DAB1: variants seen among roughly 807,000 people sequenced by gnomAD.
DAB1 encodes disabled homolog 1.
A neutral mutation model predicts 64.6 loss-of-function variants in DAB1; 15 were observed. The observed-to-expected ratio is 0.23, with a 90% CI of 0.16 to 0.36. The LOEUF is 0.36. Ranked by LOEUF, DAB1 falls within the 10% of genes least tolerant of loss-of-function variation. The pLI, the probability that DAB1 is intolerant of heterozygous loss-of-function variation, is 1.00. For synonymous variants in DAB1, 235 were observed against 251.9 expected (o/e 0.93, Z 0.64); for missense variants, 596 against 706.7 (o/e 0.84, Z 1.78).
chr1:58,174,480 G>A (rs1656351896), intron 4 of DAB1, among the ~76,000 whole-genome samples: 1 of 152,172 alleles, frequency 6.6e-6, no homozygotes, highest in African/African-American at 2.4e-5. Flanking sequence ...GACCTAAAGA[G>A]TTCCCCTCTG....
chr1:57,777,598 A>G (rs556086237), intron 6 of DAB1, among the ~76,000 whole-genome samples: 5 of 152,048 alleles, frequency 3.3e-5, no homozygotes, highest in Admixed American at 1.3e-4. Context: ...CAGATATTAT[A>G]TATTTCAACT....
Position 58,155,693 on chromosome 1 carries a change from A to G in DAB1, n.310-5105T>C, listed in dbSNP as rs557302199. The stretch of plus-strand genomic sequence containing the variant: ...GCAGGTCCGGCTATCAGAGCAAGCA[A>G]TGACATGACCGTAGATACAGGAATG... On this transcript the variant is annotated intron_variant and non_coding_transcript_variant, in intron 4 of 20. Transcript: ENST00000485760. 3.9e-5 allele frequency among the ~76,000 whole-genome samples: 6 copies of G among 152,372 alleles called. No individual in the cohort carries two copies. The South Asian group carries it at 8.3e-4, about 21-fold the overall frequency.
At chr1:57,057,839 A>T (rs1039636576) in intron 9 of DAB1, among the ~76,000 whole-genome samples, 1 of 151,544 alleles carries the variant, frequency 6.6e-6, no homozygotes, top group Non-Finnish European at 1.5e-5. Flanking sequence ...CGATCTCCTG[A>T]CCTCCTGATC....
chr1:58,024,387 T>C (rs752926175), intron 5 of DAB1, among the ~76,000 whole-genome samples: 1 of 152,116 alleles, frequency 6.6e-6, no homozygotes, highest in Non-Finnish European at 1.5e-5. Context: ...ATCTCAAAAA[T>C]GAAAGATAAT....
At chr1:58,130,480 G>A (rs561146411) in intron 5 of DAB1, among the ~76,000 whole-genome samples, 14 of 152,178 alleles carry the variant, frequency 9.2e-5, no homozygotes, top group African/African-American at 3.4e-4. Flanking sequence ...ATTGTTATAT[G>A]TGAATTTGAT....
At position 57,360,184 on chromosome 1, in the gene DAB1, C is replaced by T. The variant is rs556307929; in HGVS notation, c.-137+63746G>A. 4.7e-4 allele frequency among the ~76,000 whole-genome samples: 72 copies of T among 151,700 alleles called. 2 individuals carry two copies. Among genetic ancestry groups the T allele is most frequent in the Admixed American group, 4.5e-3 (68 of 15,216 alleles). ...ATACACTTCATAACAACATGCAGTA[C>T]GTGATTAAAATACGCAATGTTAGCT... On this transcript the variant is annotated intron_variant, in intron 1 of 14. Coordinates refer to ENST00000371236, the MANE Select transcript of DAB1 (RefSeq NM_001365792.1).
intron 7 of DAB1, among the ~76,000 whole-genome samples, chr1:57,638,201 T>C (rs1480166973): frequency 6.6e-6 from 1 of 152,194 alleles, no homozygotes; most frequent in East Asian, 1.9e-4. Flanking sequence ...AGTTTTAACA[T>C]TAAAATTCAT....
intron 9 of DAB1, among the ~76,000 whole-genome samples, chr1:57,051,831 G>T (rs1446610940): frequency 6.6e-6 from 1 of 152,100 alleles, no homozygotes; most frequent in Non-Finnish European, 1.5e-5. Flanking sequence ...GGAGTGCTGG[G>T]CCTCATAAGG....
At chr1:58,127,651 C>G (rs949186365) in intron 5 of DAB1, among the ~76,000 whole-genome samples, 83 of 152,260 alleles carry the variant, frequency 5.5e-4, no homozygotes, top group African/African-American at 1.3e-3. Flanking sequence ...GTGTAAGGAA[C>G]GGATCCAGTT....
chr1:58,215,252 T>C (rs1462541377), intron 4 of DAB1, among the ~76,000 whole-genome samples: 2 of 152,122 alleles, frequency 1.3e-5, no homozygotes, highest in African/African-American at 2.4e-5. Context: ...TTACCTAAAA[T>C]TCTTCCCCAA....
intron 7 of DAB1, among the ~76,000 whole-genome samples, chr1:57,632,337 G>T (rs1197925232): frequency 6.6e-6 from 1 of 152,102 alleles, no homozygotes; most frequent in Non-Finnish European, 1.5e-5. Context: ...TTCTTTAATA[G>T]CGTTTGTGTG....
intron 7 of DAB1, among the ~76,000 whole-genome samples, chr1:57,512,083 G>A (rs1644412600): frequency 6.6e-6 from 1 of 152,174 alleles, no homozygotes; most frequent in African/African-American, 2.4e-5. Context: ...CTAAGCCCTA[G>A]AGAATGTAAG....
chr1:58,054,851 A>G (rs1275966315), intron 5 of DAB1, among the ~76,000 whole-genome samples: 1 of 152,230 alleles, frequency 6.6e-6, no homozygotes, highest in Middle Eastern at 3.2e-3. Flanking sequence ...TTGGAGGCCC[A>G]GGAGAGGACG....
At chr1:58,484,981 T>G (rs1311679327) in intron 3 of DAB1, among the ~76,000 whole-genome samples, 5 of 152,040 alleles carry the variant, frequency 3.3e-5, no homozygotes, top group Non-Finnish European at 7.4e-5. Context: ...GGTGGATACA[T>G]GTCATTATAC....
chr1:57,961,183 G>A (rs1402672998), intron 5 of DAB1, among the ~76,000 whole-genome samples: 7 of 152,138 alleles, frequency 4.6e-5, no homozygotes, highest in South Asian at 2.1e-4. Flanking sequence ...GGTGAAAACC[G>A]TGTATACACT....
At chr1:58,092,709 T>C (rs1650742945) in intron 5 of DAB1, among the ~76,000 whole-genome samples, 1 of 152,116 alleles carries the variant, frequency 6.6e-6, no homozygotes, top group African/African-American at 2.4e-5. Flanking sequence ...AATATACGTC[T>C]AAGTAGAGAG....
chr1:57,164,715 A>G (rs909083760), intron 2 of DAB1, among the ~76,000 whole-genome samples: 3 of 152,308 alleles, frequency 2.0e-5, no homozygotes, highest in East Asian at 1.9e-4. Flanking sequence ...TGAAAGAAGA[A>G]GTGACCACAG....
chr1:57,877,541 A>ATTT (rs1644067488), intron 1 of DAB1, among the ~76,000 whole-genome samples: 1 of 70,836 alleles, frequency 1.4e-5, no homozygotes, highest in Non-Finnish European at 2.5e-5. Context: ...ATCCTAATTG[A>ATTT]TTTATTTTTT....
At chr1:57,075,961 T>C (rs1054047940) in intron 4 of DAB1, among the ~76,000 whole-genome samples, 3 of 152,186 alleles carry the variant, frequency 2.0e-5, no homozygotes, top group Non-Finnish European at 4.4e-5. Context: ...GAGAATGTTC[T>C]GGATTCAGGC....
Sources: gnomAD v4.1 joint callset for allele counts (sites outside exome capture counted in the v4.1 genomes callset) on GRCh38, gnomAD v4.1.1 for gene constraint, MANE v1.5 for transcripts, NCBI Gene and HGNC (gene_info 2026-07-23, HGNC 2026-07-21) for gene names.